Variants in MTFR1 observed in about 807,000 individuals in gnomAD.
The protein encoded by MTFR1 is mitochondrial fission regulator 1.
In MTFR1, 28 loss-of-function variants were observed where a neutral mutation model predicts 38.8. That is an observed-to-expected ratio of 0.72 (90% confidence interval 0.53 to 0.99). The LOEUF is 0.99. Among genes scored for constraint, MTFR1 ranks in the 50% least tolerant of loss-of-function variants. The probability of loss-of-function intolerance (pLI) is 0.00; values close to 1 mark genes in which losing one functional copy is unlikely to be tolerated. For missense variants in MTFR1, 358 were observed against 395.5 expected (o/e 0.91, Z 0.81); for synonymous variants, 145 against 137.0 (o/e 1.06, Z -0.41).
At chr8:65,736,419 C>CAGTA (rs1225298438) in intron 3 of MTFR1, among the ~76,000 whole-genome samples, 1 of 152,150 alleles carries the variant, frequency 6.6e-6, no homozygotes, top group African/African-American at 2.4e-5. Flanking sequence ...GACTACTGTA[C>CAGTA]AGTATTTCAG....
chr8:65,739,065 G>A (rs188359427), intron 3 of MTFR1, among the ~76,000 whole-genome samples: 6 of 152,334 alleles, frequency 3.9e-5, no homozygotes, highest in African/African-American at 1.2e-4. Flanking sequence ...CAGCGGCCTG[G>A]GGATATCAGC....
intron 3 of MTFR1, among the ~76,000 whole-genome samples, chr8:65,720,751 G>C (rs1385904915): frequency 2.0e-5 from 3 of 152,174 alleles, no homozygotes; most frequent in Admixed American, 2.0e-4. Context: ...GTTCTGGTGA[G>C]GAGAAAGAGA....
At chr8:65,703,247 TG>T (rs1322502904) in intron 4 of MTFR1, among the ~76,000 whole-genome samples, 16 of 151,618 alleles carry the variant, frequency 1.1e-4, no homozygotes, top group African/African-American at 3.2e-4. Context: ...TAGCCAGGCA[TG>T]GGTGGCACGC....
intron 3 of MTFR1, among the ~76,000 whole-genome samples, chr8:65,761,085 A>C (rs954644520): frequency 1.3e-5 from 2 of 149,868 alleles, no homozygotes; most frequent in Non-Finnish European, 3.0e-5. Flanking sequence ...TTTTAGACGG[A>C]GTCTCGCCCT....
At chr8:65,734,521 T>C (rs898148969) in intron 3 of MTFR1, among the ~76,000 whole-genome samples, 1 of 152,178 alleles carries the variant, frequency 6.6e-6, no homozygotes, top group Non-Finnish European at 1.5e-5. Flanking sequence ...ATGGAGCCCA[T>C]GTGGAGCTCA....
intron 1 of MTFR1, among the ~76,000 whole-genome samples, chr8:65,661,537 A>AC (rs1809414304): frequency 6.6e-6 from 1 of 152,120 alleles, no homozygotes; most frequent in Admixed American, 6.6e-5. Flanking sequence ...TTTAAGAGGC[A>AC]TGAGAATCGC....
chr8:65,705,887 T>C (rs767363512), intron 5 of MTFR1, among the ~76,000 whole-genome samples: 26 of 152,190 alleles, frequency 1.7e-4, no homozygotes, highest in Non-Finnish European at 2.6e-4. Context: ...CATTCTCACA[T>C]TGGGGAGGAA....
intron 2 of MTFR1, among the ~76,000 whole-genome samples, chr8:65,678,125 T>C (rs1038651776): frequency 2.0e-5 from 3 of 152,256 alleles, no homozygotes; most frequent in Non-Finnish European, 2.9e-5. Flanking sequence ...GAGGAAGTCT[T>C]TCCTTCTCTA....
At chr8:65,758,440 C>T (rs1383940879) in intron 3 of MTFR1, among the ~76,000 whole-genome samples, 3 of 152,174 alleles carry the variant, frequency 2.0e-5, no homozygotes, top group Non-Finnish European at 4.4e-5. Context: ...TACTAGTGCA[C>T]TTCTCCCTTG....
intron 4 of MTFR1, among the ~76,000 whole-genome samples, chr8:65,701,111 A>AC (rs1805602663): frequency 6.6e-6 from 1 of 152,006 alleles, no homozygotes; most frequent in African/African-American, 2.4e-5. Context: ...TCTCTTATCT[A>AC]CCCCCACCTT....
At chr8:65,685,146 A>T (rs753943234) in intron 3 of MTFR1, among the ~76,000 whole-genome samples, 2 of 152,254 alleles carry the variant, frequency 1.3e-5, no homozygotes, top group Non-Finnish European at 2.9e-5. Flanking sequence ...TTTGAGTAAG[A>T]AAATTGAAAA....
chr8:65,653,093 T>C (rs1337241820), intron 1 of MTFR1, among the ~76,000 whole-genome samples: 1 of 152,238 alleles, frequency 6.6e-6, no homozygotes, highest in Non-Finnish European at 1.5e-5. Flanking sequence ...TTCTGTCTGT[T>C]TTGGCTCAGA....
At chr8:65,730,127 C>T (rs573569159) in intron 3 of MTFR1, among the ~76,000 whole-genome samples, 5 of 143,982 alleles carry the variant, frequency 3.5e-5, no homozygotes, top group Admixed American at 2.1e-4. Context: ...GGAGCACAAA[C>T]CCTATTGTAA....
At chr8:65,645,335 C>G (rs1808925091) in intron 1 of MTFR1, among the ~76,000 whole-genome samples, 1 of 152,204 alleles carries the variant, frequency 6.6e-6, no homozygotes, top group African/African-American at 2.4e-5. Context: ...CTAGAACTTC[C>G]CAGTGTATCT....
rs1809253836 is a variant in MTFR1 at position 65,655,970 on chromosome 8, C to CATATATATATACATGTATATATATATAT, written c.-81+11197_-81+11198insCATGTATATATATATATATATATATATA. 7.5e-3 allele frequency among the ~76,000 whole-genome samples: 400 copies of CATATATATATACATGTATATATATATAT among 53,620 alleles called. 14 individuals carry two copies. Among genetic ancestry groups the CATATATATATACATGTATATATATATAT allele is most frequent in the South Asian group, 0.034 (48 of 1,426 alleles). 35.2% of individuals were successfully genotyped at this position (53,620 alleles called of 152,430 possible). A position where few individuals can be genotyped will look rare whatever the true frequency, so the allele number is the denominator to read the frequency against. On this transcript the variant is annotated intron_variant, in intron 1 of 7. Coordinates refer to ENST00000262146, the MANE Select transcript of MTFR1 (RefSeq NM_014637.4). Reference sequence around the variant, plus strand: ...AAAAAAAATATATATATATATATACCATATATATATATATGGTAGTGGGTT... The same window carrying CATATATATATACATGTATATATATATAT: ...AAAAAAAATATATATATATATATACCATATATATATACATGTATATATATATATATATATATATATATGGTAGTGGGTT...
At chr8:65,672,075 G>A (rs947837015) in intron 2 of MTFR1, among the ~76,000 whole-genome samples, 1 of 152,190 alleles carries the variant, frequency 6.6e-6, no homozygotes, top group Admixed American at 6.5e-5. Context: ...AGTGGGTGCC[G>A]TTCATCAAAG....
intron 1 of MTFR1, among the ~76,000 whole-genome samples, chr8:65,654,433 C>T (rs1176576120): frequency 6.6e-6 from 1 of 152,028 alleles, no homozygotes; most frequent in African/African-American, 2.4e-5. Context: ...AACCATTTCC[C>T]TATTGATGGT....
At chr8:65,647,997 A>ATTTG (rs60187254) in intron 1 of MTFR1, among the ~76,000 whole-genome samples, 8,922 of 151,330 alleles carry the variant, frequency 0.059, 580 homozygotes, top group African/African-American at 0.16. Context: ...GCTTTTGATC[A>ATTTG]TTTGTTTGTT....
intron 3 of MTFR1, chr8:65,723,648 A>AAT: frequency 7.0e-7 from 1 of 1,422,832 alleles, no homozygotes; most frequent in Non-Finnish European, 9.5e-7. Flanking sequence ...GAGAAGTATT[A>AAT]ATATGAAGAA....
Sources: gnomAD v4.1 joint callset for allele counts (sites outside exome capture counted in the v4.1 genomes callset) on GRCh38, gnomAD v4.1.1 for gene constraint, MANE v1.5 for transcripts, NCBI Gene and HGNC (gene_info 2026-07-23, HGNC 2026-07-21) for gene names.